Variants in PNO1 observed in about 807,000 individuals in gnomAD.
PNO1 encodes the protein partner of NOB1 homolog, also known as RNA-binding protein PNO1.
A neutral mutation model predicts 28.4 loss-of-function variants in PNO1; 16 were observed. The ratio of observed to expected loss-of-function variants is 0.56; its 90% confidence interval spans 0.38 to 0.85. The LOEUF is 0.85. Among genes scored for constraint, PNO1 ranks in the 40% least tolerant of loss-of-function variants. The pLI is 0.00. For missense variants in PNO1, 304 were observed against 312.2 expected (o/e 0.97, Z 0.20); for synonymous variants, 115 against 110.8 (o/e 1.04, Z -0.24).
At position 68,158,448 on chromosome 2, in the gene PNO1, G is replaced by T. The variant is rs1673732528; in HGVS notation, c.276G>T (p.Trp92Cys). 6.2e-7 allele frequency: 1 copy of T among 1,613,260 alleles called. No individual in the cohort carries two copies. The highest frequency in any genetic ancestry group is 8.5e-7 in the Non-Finnish European group (1 of 1,179,320). Residue 92 changes from tryptophan (W) to cysteine (C), a missense_variant, in exon 2 of 7, where the codon TGG becomes TGT. By Grantham distance (215) the Trp-to-Cys change is radical. Transcript: ENST00000263657. ...GATACACACCATTGAAAGAAAACTG[G>T]ATGAAGATATTTACTCCTATTGTGG... Reference protein sequence around the residue: ...ANRYTPLKENWMKIFTPIVEH... With the variant: ...ANRYTPLKENCMKIFTPIVEH...
At position 68,163,585 on chromosome 2, in the gene PNO1, T is replaced by A. The variant is rs10153740; in HGVS notation, c.620+922T>A. Among the ~76,000 whole-genome samples the A allele has an allele frequency of 3.4e-3, 497 of 144,954 alleles. 3 individuals are homozygous for A. The highest frequency in any genetic ancestry group is 0.012 in the African/African-American group (462 of 37,388). On this transcript the variant is annotated intron_variant, in intron 5 of 6. Coordinates refer to ENST00000263657, the MANE Select transcript of PNO1 (RefSeq NM_020143.4). ...CATACATACATACATACATACATACTTACTCAAGGGAATCTATTAAATCAC... is the reference window on the plus strand; with the variant it reads ...CATACATACATACATACATACATACATACTCAAGGGAATCTATTAAATCAC...
At chr2:68,173,198 G>T in intron 5 of PNO1, 149 bp from the exon 6 acceptor site, 23 of 401,074 alleles carry the variant, frequency 5.7e-5, no homozygotes, top group East Asian at 3.5e-4. Context: ...GAATTTTTTT[G>T]TAGAGATGGC....
rs1673720171 is a variant in PNO1 at position 68,158,144 on chromosome 2, A to G, written c.207+3A>G. 1 of 1,593,178 alleles carries G rather than the reference A, an allele frequency of 6.3e-7. No individual in the cohort carries two copies. The highest frequency in any genetic ancestry group is 8.6e-7 in the Non-Finnish European group (1 of 1,169,292). ...CCCTCTGTGGGGACGGGCTCCTGGT[A>G]TGTGGCTGGGACCCTAGGACAGCAA... is the stretch of plus-strand genomic sequence containing the variant. On this transcript the variant is annotated splice_donor_region_variant and intron_variant, in intron 1 of 6. Transcript: ENST00000263657.
intron 5 of PNO1, among the ~76,000 whole-genome samples, chr2:68,169,556 T>C (rs985946401): frequency 1.3e-5 from 2 of 152,246 alleles, no homozygotes; most frequent in African/African-American, 2.4e-5. Context: ...TCGTACAGTA[T>C]GCACTACAGT....
At chr2:68,172,792 T>C (rs1674165078) in intron 5 of PNO1, among the ~76,000 whole-genome samples, 1 of 152,222 alleles carries the variant, frequency 6.6e-6, no homozygotes, top group African/African-American at 2.4e-5. Flanking sequence ...AGGGCATGCA[T>C]AGAAAGCCCT....
At chr2:68,166,699 A>T (rs911614980) in intron 5 of PNO1, among the ~76,000 whole-genome samples, 13 of 152,238 alleles carry the variant, frequency 8.5e-5, no homozygotes, top group African/African-American at 3.1e-4. Flanking sequence ...TGCCCACGTC[A>T]TAAAAGGGTC....
Position 68,170,719 on chromosome 2 carries a change from G to A in PNO1, c.621-2628G>A, listed in dbSNP as rs1416855590. ...GCCGAGATTGCGCCACTGCACTCCA[G>A]CCTGGGGGACAGAGCAAGACTCCGT... On this transcript the variant is annotated intron_variant, in intron 5 of 6. Coordinates refer to ENST00000263657, the MANE Select transcript of PNO1 (RefSeq NM_020143.4). Among the ~76,000 whole-genome samples, 16 of 127,176 alleles carry A rather than the reference G, an allele frequency of 1.3e-4. No homozygotes were observed. In the Admixed American group the frequency reaches 1.4e-3, roughly 11 times the overall value. 83.4% of individuals were successfully genotyped at this position (127,176 alleles called of 152,430 possible). A position where few individuals can be genotyped will look rare whatever the true frequency, so the allele number is the denominator to read the frequency against.
chr2:68,169,597 A>G (rs1417488630), intron 5 of PNO1, among the ~76,000 whole-genome samples: 1 of 152,228 alleles, frequency 6.6e-6, no homozygotes, highest in Non-Finnish European at 1.5e-5. Context: ...TTAATACTGC[A>G]TCTTTGCATT....
intron 2 of PNO1, among the ~76,000 whole-genome samples, chr2:68,160,286 GACTTA>G (rs902264138): frequency 8.5e-5 from 13 of 152,084 alleles, no homozygotes; most frequent in African/African-American, 2.9e-4. Flanking sequence ...AAAAGTTTTG[GACTTA>G]ACTTGCTTTT....
At chr2:68,164,470 G>A (rs1399161024) in intron 5 of PNO1, among the ~76,000 whole-genome samples, 3 of 152,056 alleles carry the variant, frequency 2.0e-5, no homozygotes, top group Non-Finnish European at 4.4e-5. Context: ...AACCCTGGGC[G>A]ACAGAGTGAG....
At chr2:68,168,967 C>G (rs1401603830) in intron 5 of PNO1, among the ~76,000 whole-genome samples, 2 of 132,348 alleles carry the variant, frequency 1.5e-5, no homozygotes, top group Non-Finnish European at 3.1e-5. Flanking sequence ...CTCCCTCTAT[C>G]GCCAAGGCTG....
At position 68,168,175 on chromosome 2, in the gene PNO1, A is replaced by C. The variant is rs557519552; in HGVS notation, c.621-5172A>C. Among the ~76,000 whole-genome samples the C allele has an allele frequency of 9.2e-5, 14 of 152,328 alleles. No individual in the cohort carries two copies. The South Asian group carries it at 2.7e-3, about 29-fold the overall frequency. ...TGCGTTGGCCAAGTATACTTATTTA[A>C]CAGGTTATAGGAGGAGCTCTGAATA... On this transcript the variant is annotated intron_variant, in intron 5 of 6. Coordinates refer to ENST00000263657, the MANE Select transcript of PNO1 (RefSeq NM_020143.4).
chr2:68,163,907 G>C (rs1673908301), intron 5 of PNO1, among the ~76,000 whole-genome samples: 1 of 152,142 alleles, frequency 6.6e-6, no homozygotes, highest in Non-Finnish European at 1.5e-5. Flanking sequence ...TTGGGAAACT[G>C]AACAGTTGAC....
In PNO1 at chr2:68,158,158, C is replaced by G; in HGVS notation, c.207+17C>G. 3 of 1,569,992 alleles carry G rather than the reference C, an allele frequency of 1.9e-6. No individual in the cohort carries two copies. The highest frequency in any genetic ancestry group is 1.2e-5 in the South Asian group (1 of 86,392). ...GGGCTCCTGGTATGTGGCTGGGACC[C>G]TAGGACAGCAACGAGGCAAGGGCCA... On this transcript the variant is annotated intron_variant, in intron 1 of 6. Coordinates refer to ENST00000263657, the MANE Select transcript of PNO1 (RefSeq NM_020143.4).
In PNO1 at chr2:68,173,519, G is replaced by A. The variant is rs955601971; in HGVS notation, c.691+102G>A. Reference sequence around the variant, plus strand: ...CAAAGCAATTTAGGGTAATATTAAAGATCGCAAGTAGAAACCCTTGGGAGT... The same window carrying A: ...CAAAGCAATTTAGGGTAATATTAAAAATCGCAAGTAGAAACCCTTGGGAGT... On this transcript the variant is annotated intron_variant, in intron 6 of 6. Transcript: ENST00000263657. The A allele has an allele frequency of 1.5e-5, 10 of 688,086 alleles. No individual in the cohort carries two copies. The Middle Eastern group carries it at 8.3e-4, about 57-fold the overall frequency. 42.6% of individuals were successfully genotyped at this position (688,086 alleles called of 1,614,324 possible).
rs2103697943 is a variant in PNO1, at chr2:68,174,832, T to G, written c.*30T>G. Reference sequence around the variant, plus strand: ...AAGTCAGAGACTTTTTATCTTGCCTTTGGACTCTGGTGAAAAATACTTTAC... The same window carrying G: ...AAGTCAGAGACTTTTTATCTTGCCTGTGGACTCTGGTGAAAAATACTTTAC... On this transcript the variant is annotated 3_prime_UTR_variant, in exon 7 of 7. Coordinates refer to ENST00000263657, the MANE Select transcript of PNO1 (RefSeq NM_020143.4). The G allele has an allele frequency of 6.9e-7, 1 of 1,445,280 alleles. No homozygotes were observed. The highest frequency in any genetic ancestry group is 9.7e-7 in the Non-Finnish European group (1 of 1,030,774). 89.5% of individuals were successfully genotyped at this position (1,445,280 alleles called of 1,614,324 possible).
chr2:68,163,597 A>C (rs1223245901), intron 5 of PNO1, among the ~76,000 whole-genome samples: 1 of 151,842 alleles, frequency 6.6e-6, no homozygotes, highest in African/African-American at 2.4e-5. Flanking sequence ...ACTCAAGGGA[A>C]TCTATTAAAT....
chr2:68,173,117 G>C (rs1674176416), intron 5 of PNO1: 1 of 275,384 alleles, frequency 3.6e-6, no homozygotes, highest in South Asian at 1.8e-4. Context: ...TAAGAGAGAG[G>C]GTTTTGGTCT....
chr2:68,166,387 C>T (rs1294686077), intron 5 of PNO1, among the ~76,000 whole-genome samples: 1 of 64,640 alleles, frequency 1.5e-5, no homozygotes, highest in African/African-American at 1.8e-4. Context: ...ATAAAGTAAG[C>T]TAGAGAAAAA....
Sources: allele counts gnomAD v4.1 joint callset (sites outside exome capture counted in the v4.1 genomes callset), GRCh38; gene constraint gnomAD v4.1.1; transcripts MANE v1.5; gene names NCBI Gene and HGNC (gene_info 2026-07-23, HGNC 2026-07-21).